Variants in SNX30 observed in about 807,000 individuals in gnomAD.
The protein encoded by SNX30 is sorting nexin family member 30, also known as sorting nexin-30.
In SNX30, 24 loss-of-function variants were observed where a neutral mutation model predicts 46.4. That is an observed-to-expected ratio of 0.52 (90% CI 0.37 to 0.73). The LOEUF (loss-of-function observed/expected upper bound fraction) is 0.73. SNX30 is among the 30% of genes least tolerant of loss of function. SNX30 has a pLI of 0.00. For synonymous variants in SNX30, 189 were observed against 211.5 expected, an observed-to-expected ratio of 0.89 and a Z score of 0.92; for missense variants, 533 against 555.7, an observed-to-expected ratio of 0.96 and a Z score of 0.41.
At position 112,751,099 on chromosome 9, in the gene SNX30, T is replaced by A; in HGVS notation, c.98T>A (p.Val33Glu). ...PLAGSSSEEA[V>E]GGDSTPSPDL... ...GCCGGCTCCAGCAGCGAGGAGGCCGTGGGTGGTGACAGCACGCCCAGCCCG... is the reference window on the plus strand; with the variant it reads ...GCCGGCTCCAGCAGCGAGGAGGCCGAGGGTGGTGACAGCACGCCCAGCCCG... The change falls in exon 1 of 9, where the codon GTG becomes GAG. Residue 33 changes from valine to glutamate, a missense_variant. By Grantham distance (121) the Val-to-Glu change is moderately radical. Around this residue, in one of 3 missense-constraint regions of SNX30, gnomAD observed 191 missense variants for 160.3 expected, o/e 1.19. Coordinates refer to ENST00000374232, the MANE Select transcript of SNX30 (RefSeq NM_001012994.2). 6.6e-7 allele frequency: 1 copy of A among 1,518,138 alleles called. No homozygotes were observed. The allele number at this position is 1,518,138 out of a possible 1,614,324, so 94.0% of individuals were successfully genotyped here.
intron 7 of SNX30, among the ~76,000 whole-genome samples, chr9:112,863,295 C>T (rs1841266847): frequency 6.6e-6 from 1 of 152,244 alleles, no homozygotes; most frequent in East Asian, 1.9e-4. Flanking sequence ...AAAGGCCTCA[C>T]TTGTGGTTGG....
chr9:112,866,591 T>C, intron 8 of SNX30: 1 of 467,412 alleles, frequency 2.1e-6, no homozygotes, highest in South Asian at 1.6e-5. Flanking sequence ...TTTAGCTTCC[T>C]CTCTAACCTC....
At chr9:112,775,541 T>TG (rs1296496170) in intron 1 of SNX30, among the ~76,000 whole-genome samples, 25 of 122,130 alleles carry the variant, frequency 2.0e-4, no homozygotes, top group Admixed American at 1.9e-3. Flanking sequence ...TTATTTTAAA[T>TG]TTGTGTGTGT....
intron 1 of SNX30, among the ~76,000 whole-genome samples, chr9:112,794,352 C>T (rs1381544480): frequency 6.6e-6 from 1 of 152,054 alleles, no homozygotes; most frequent in African/African-American, 2.4e-5. Context: ...GGGGTTTTAC[C>T]ATGTTGGTCA....
At chr9:112,838,885 A>C (rs901174631) in intron 6 of SNX30, among the ~76,000 whole-genome samples, 188 bp downstream of exon 6, 13 of 152,180 alleles carry the variant, frequency 8.5e-5, no homozygotes, top group Non-Finnish European at 1.6e-4. Context: ...CGTGAATTAA[A>C]CAAAAAAAAA....
chr9:112,812,781 A>T (rs1292373816), intron 2 of SNX30, among the ~76,000 whole-genome samples: 1 of 152,174 alleles, frequency 6.6e-6, no homozygotes, highest in South Asian at 2.1e-4. Context: ...TTTCTTCTAA[A>T]TTTTTTAATA....
intron 5 of SNX30, 29 bp from the exon 6 acceptor site, chr9:112,838,469 A>C (rs1416660906): frequency 1.3e-6 from 2 of 1,579,432 alleles, no homozygotes; most frequent in Admixed American, 3.6e-5. Flanking sequence ...ACCCAGCCAG[A>C]TTTTAATTAG....
intron 1 of SNX30, among the ~76,000 whole-genome samples, chr9:112,765,695 A>G (rs1318403258): frequency 1.3e-5 from 2 of 152,224 alleles, no homozygotes; most frequent in East Asian, 1.9e-4. Flanking sequence ...GATGTACAAC[A>G]TGTTTTGATA....
intron 1 of SNX30, among the ~76,000 whole-genome samples, chr9:112,766,062 A>G (rs1312023180): frequency 6.6e-6 from 1 of 152,180 alleles, no homozygotes; most frequent in African/African-American, 2.4e-5. Context: ...TCGGCCTCCC[A>G]AAGTGCTGGG....
At chr9:112,772,225 A>T (rs1442006493) in intron 1 of SNX30, among the ~76,000 whole-genome samples, 4 of 152,142 alleles carry the variant, frequency 2.6e-5, no homozygotes, top group Non-Finnish European at 5.9e-5. Flanking sequence ...CCCCAGAGAG[A>T]GGAACGACCA....
At chr9:112,759,246 C>A (rs895879397) in intron 1 of SNX30, among the ~76,000 whole-genome samples, 1 of 152,254 alleles carries the variant, frequency 6.6e-6, no homozygotes, top group East Asian at 1.9e-4. Context: ...ACTTCCTGAC[C>A]TCTGACATAC....
At chr9:112,842,950 C>G (rs940153149) in intron 6 of SNX30, among the ~76,000 whole-genome samples, 1 of 152,162 alleles carries the variant, frequency 6.6e-6, no homozygotes, top group Admixed American at 6.5e-5. Context: ...AGCCCAGACT[C>G]AAGTTAAATA....
rs751156158 is a variant in SNX30, at chr9:112,751,088, C to T, written c.87C>T (p.Ser29=). The T allele has an allele frequency of 9.2e-6, 14 of 1,513,806 alleles. No homozygotes were observed. The highest frequency in any genetic ancestry group is 4.5e-4 in the Middle Eastern group (2 of 4,456). The allele number at this position is 1,513,806 out of a possible 1,614,324, so 93.8% of individuals were successfully genotyped here. The change falls in exon 1 of 9, where the codon AGC becomes AGT. Residue 29 remains serine, a synonymous_variant. Coordinates refer to ENST00000374232, the MANE Select transcript of SNX30 (RefSeq NM_001012994.2). Reference sequence around the variant, plus strand: ...CGCACCCGCTGGCCGGCTCCAGCAGCGAGGAGGCCGTGGGTGGTGACAGCA... The same window carrying T: ...CGCACCCGCTGGCCGGCTCCAGCAGTGAGGAGGCCGTGGGTGGTGACAGCA... ...DMPHPLAGSS[S]EEAVGGDSTP...
chr9:112,759,962 T>A (rs2796031), intron 1 of SNX30, among the ~76,000 whole-genome samples: 2 of 152,226 alleles, frequency 1.3e-5, no homozygotes, highest in East Asian at 1.9e-4. Flanking sequence ...ATGGGAGGTG[T>A]TGGTGGTTGT....
upstream of SNX30, among the ~76,000 whole-genome samples, chr9:112,750,114 AG>A (rs1564255227): frequency 6.6e-6 from 1 of 152,230 alleles, no homozygotes; most frequent in Admixed American, 6.5e-5. Flanking sequence ...CCAAAGTGTG[AG>A]TTGAAGAGTC....
At chr9:112,867,011 CCCCCTCCT>C (rs1841363247) in intron 8 of SNX30, among the ~76,000 whole-genome samples, 2 of 148,598 alleles carry the variant, frequency 1.3e-5, no homozygotes, top group Admixed American at 6.7e-5. Context: ...AGAACTCCTC[CCCCCTCCT>C]CAGAATTCCT....
chr9:112,818,269 G>A (rs556966905), intron 3 of SNX30, among the ~76,000 whole-genome samples: 141 of 146,058 alleles, frequency 9.7e-4, no homozygotes, highest in African/African-American at 3.0e-3. Context: ...TGGCATGATC[G>A]CAGCTCACTG....
intron 1 of SNX30, among the ~76,000 whole-genome samples, chr9:112,795,244 A>T (rs1840088516): frequency 6.6e-6 from 1 of 152,154 alleles, no homozygotes; most frequent in Non-Finnish European, 1.5e-5. Flanking sequence ...CACTATTCCA[A>T]CTGCTTCCAT....
intron 4 of SNX30, among the ~76,000 whole-genome samples, chr9:112,834,698 T>TGGGGCAGGTGAAAGG (rs1840719680): frequency 6.6e-6 from 1 of 152,102 alleles, no homozygotes; most frequent in African/African-American, 2.4e-5. Flanking sequence ...AGTCCTGCCT[T>TGGGGCAGGTGAAAGG]GGGGCAGGTG....
Sources: gnomAD v4.1 joint callset for allele counts (sites outside exome capture counted in the v4.1 genomes callset) on GRCh38, gnomAD v4.1.1 for gene constraint, gnomAD v4.1.1 regional missense constraint, MANE v1.5 for transcripts, NCBI Gene and HGNC (gene_info 2026-07-23, HGNC 2026-07-21) for gene names.